Variants in ZNF423 observed in about 807,000 individuals in gnomAD.
ZNF423 encodes zinc finger protein 423.
Under a neutral mutation model 95.8 loss-of-function variants are expected in ZNF423, and 12 were observed. The ratio of observed to expected loss-of-function variants is 0.13; its 90% CI spans 0.08 to 0.20. ZNF423 has a LOEUF of 0.20. Among genes scored for constraint, ZNF423 ranks in the 10% least tolerant of loss-of-function variants. ZNF423 has a pLI of 1.00. For missense variants in ZNF423, 1,316 were observed against 1,737.1 expected, an observed-to-expected ratio of 0.76 and a Z score of 4.31; for synonymous variants, 749 against 711.9, an observed-to-expected ratio of 1.05 and a Z score of -0.83.
intron 2 of ZNF423, chr16:49,764,790 A>C (rs2033898727): frequency 6.6e-6 from 1 of 151,044 alleles, no homozygotes. Context: ...TCTGTCCCCC[A>C]GGCTGGAGTG....
chr16:49,830,295 G>C (rs2035048009), intron 1 of ZNF423, among the ~76,000 whole-genome samples: 2 of 152,150 alleles, frequency 1.3e-5, no homozygotes, highest in Non-Finnish European at 2.9e-5. Flanking sequence ...TTGAGGCCGG[G>C]GGACTGATGA....
chr16:49,846,077 G>A (rs35332951), intron 1 of ZNF423, among the ~76,000 whole-genome samples: 29,437 of 151,956 alleles, frequency 0.19, 3,014 homozygotes, highest in African/African-American at 0.27. Context: ...CGAGGCAGGC[G>A]GATTACCTGA....
chr16:49,634,690 C>T (rs776914060), intron 4 of ZNF423, among the ~76,000 whole-genome samples: 8 of 152,196 alleles, frequency 5.3e-5, no homozygotes, highest in African/African-American at 7.2e-5. Flanking sequence ...TCCTGAGATC[C>T]GCCTGGCACC....
At chr16:49,698,264 C>G (rs181048697) in intron 3 of ZNF423, among the ~76,000 whole-genome samples, 45 of 152,144 alleles carry the variant, frequency 3.0e-4, no homozygotes, top group Admixed American at 5.9e-4. Context: ...CTCCCGCCCC[C>G]CGAAGCAAGG....
At chr16:49,753,602 A>T (rs954933986) in intron 2 of ZNF423, among the ~76,000 whole-genome samples, 6 of 98,880 alleles carry the variant, frequency 6.1e-5, no homozygotes, top group South Asian at 4.1e-4. Flanking sequence ...GACCCTATTT[A>T]AAAAAAAAAA....
At chr16:49,856,389 G>A (rs925798490), upstream of ZNF423, among the ~76,000 whole-genome samples, 3 of 147,652 alleles carry the variant, frequency 2.0e-5, no homozygotes, top group Non-Finnish European at 4.5e-5. Context: ...GAGGAGACCG[G>A]GAGGCGGTCG....
At chr16:49,630,224 G>A (rs937784760) in intron 4 of ZNF423, among the ~76,000 whole-genome samples, 4 of 152,074 alleles carry the variant, frequency 2.6e-5, no homozygotes, top group East Asian at 3.9e-4. Flanking sequence ...GAGACTACAG[G>A]GCCTGAGGTC....
chr16:49,557,605 T>C (rs1330046184), intron 5 of ZNF423, among the ~76,000 whole-genome samples: 1 of 152,082 alleles, frequency 6.6e-6, no homozygotes, highest in African/African-American at 2.4e-5. Context: ...GAGAATGAAA[T>C]GGCAGCAGAA....
At chr16:49,563,716 G>A (rs1970091233) in intron 5 of ZNF423, among the ~76,000 whole-genome samples, 1 of 152,120 alleles carries the variant, frequency 6.6e-6, no homozygotes, top group African/African-American at 2.4e-5. Flanking sequence ...CCAGGCCAAT[G>A]GCATCCACCT....
chr16:49,705,045 T>A (rs941050098), intron 3 of ZNF423, among the ~76,000 whole-genome samples: 3 of 152,204 alleles, frequency 2.0e-5, no homozygotes, highest in African/African-American at 7.2e-5. Flanking sequence ...TGGCCTGCAC[T>A]TTTAAAGGTT....
At chr16:49,693,711 C>T (rs1047644634) in intron 3 of ZNF423, among the ~76,000 whole-genome samples, 4 of 152,230 alleles carry the variant, frequency 2.6e-5, no homozygotes, top group African/African-American at 9.6e-5. Context: ...TGCTCTACCT[C>T]AGCAAGGAGG....
intron 3 of ZNF423, among the ~76,000 whole-genome samples, chr16:49,690,070 AG>A (rs1169246256): frequency 1.3e-5 from 2 of 152,148 alleles, no homozygotes; most frequent in Non-Finnish European, 2.9e-5. Flanking sequence ...TCTACACAAA[AG>A]GGCACAGAAC....
intron 2 of ZNF423, among the ~76,000 whole-genome samples, chr16:49,784,643 A>G (rs983387438): frequency 6.6e-6 from 1 of 152,200 alleles, no homozygotes; most frequent in African/African-American, 2.4e-5. Flanking sequence ...AGAATAGGCA[A>G]GTCTACAGAG....
intron 2 of ZNF423, among the ~76,000 whole-genome samples, chr16:49,787,878 G>A (rs1200224782): frequency 6.6e-6 from 1 of 152,130 alleles, no homozygotes; most frequent in Admixed American, 6.6e-5. Context: ...TCCTACAGTG[G>A]GATCCTCTCT....
intron 3 of ZNF423, among the ~76,000 whole-genome samples, chr16:49,651,420 G>A (rs1197536663): frequency 6.6e-6 from 1 of 152,096 alleles, no homozygotes. Context: ...CTTCTTGGAG[G>A]AGGGACCCCC....
At chr16:49,838,327 C>T (rs544560297) in intron 1 of ZNF423, among the ~76,000 whole-genome samples, 9 of 152,308 alleles carry the variant, frequency 5.9e-5, no homozygotes, top group Non-Finnish European at 1.2e-4. Flanking sequence ...TTTACTTCCC[C>T]GTGCCTCGGT....
chr16:49,588,951 T>C (rs529116549), intron 5 of ZNF423, among the ~76,000 whole-genome samples: 49 of 152,352 alleles, frequency 3.2e-4, no homozygotes, highest in African/African-American at 1.1e-3. Context: ...GAAGGAGCTG[T>C]GAAGTGCATG....
intron 5 of ZNF423, among the ~76,000 whole-genome samples, chr16:49,623,749 T>C (rs1001542227): frequency 1.1e-4 from 16 of 151,974 alleles, no homozygotes; most frequent in African/African-American, 3.9e-4. Context: ...TCCTCCCCAC[T>C]CTCCGCCAGG....
chr16:49,850,564 A>C (rs898583909), intron 1 of ZNF423, among the ~76,000 whole-genome samples: 1 of 152,158 alleles, frequency 6.6e-6, no homozygotes, highest in African/African-American at 2.4e-5. Context: ...CCCTTTGCAA[A>C]CACCAGCGTG....
Sources: gnomAD v4.1 joint callset for allele counts (sites outside exome capture counted in the v4.1 genomes callset) on GRCh38, gnomAD v4.1.1 for gene constraint, MANE v1.5 for transcripts, NCBI Gene and HGNC (gene_info 2026-07-23, HGNC 2026-07-21) for gene names.